NBAS: variants seen among roughly 807,000 people sequenced by gnomAD.
NBAS encodes NBAS subunit of NRZ tethering complex.
A neutral mutation model predicts 302.5 loss-of-function variants in NBAS; 219 were observed. The observed-to-expected ratio is 0.72, with a 90% CI of 0.65 to 0.81. The LOEUF (loss-of-function observed/expected upper bound fraction) is 0.81, where lower values mean the gene tolerates loss of function less well. Ranked by LOEUF, NBAS falls within the 30% of genes least tolerant of loss-of-function variation. The pLI is 0.00. For missense variants in NBAS, 2,932 were observed against 2,841.6 expected (o/e 1.03, Z -0.72); for synonymous variants, 1,118 against 1,021.6 (o/e 1.09, Z -1.80).
chr2:15,105,627 T>C, the NBAS span, among the ~76,000 whole-genome samples: 47 of 152,114 alleles, frequency 3.1e-4, no homozygotes, highest in Admixed American at 3.1e-3. Flanking sequence ...GCTCCCCGTG[T>C]GCCTGAGAAC....
At chr2:15,561,113 T>G in intron 1 of NBAS, 75 bp downstream of exon 1, 1 of 1,140,428 alleles carries the variant, frequency 8.8e-7, no homozygotes, top group Non-Finnish European at 1.3e-6. Flanking sequence ...CTCCCCTACG[T>G]GGCTCCTGCT....
At chr2:15,257,397 TTTC>T (rs1234985662) in intron 44 of NBAS, among the ~76,000 whole-genome samples, 1 of 140,572 alleles carries the variant, frequency 7.1e-6, no homozygotes, top group Non-Finnish European at 1.6e-5. Flanking sequence ...TCCCATTTAA[TTTC>T]TTTTTTTTTT....
chr2:14,889,119 C>G, the NBAS span, among the ~76,000 whole-genome samples: 3 of 152,170 alleles, frequency 2.0e-5, 1 homozygote, highest in South Asian at 6.2e-4. Context: ...GACACATTTG[C>G]CACTCTTTCA....
At chr2:15,552,465 T>C (rs1664427466) in intron 5 of NBAS, among the ~76,000 whole-genome samples, 1 of 152,214 alleles carries the variant, frequency 6.6e-6, no homozygotes. Flanking sequence ...AAGATGACGA[T>C]AATGAAGACC....
intron 44 of NBAS, among the ~76,000 whole-genome samples, chr2:15,268,595 G>A (rs748359970): frequency 7.2e-5 from 11 of 152,172 alleles, no homozygotes; most frequent in African/African-American, 2.2e-4. Context: ...CACTAATCTG[G>A]GGGCCACCTC....
the NBAS span, among the ~76,000 whole-genome samples, chr2:15,038,088 T>C: frequency 6.8e-6 from 1 of 147,798 alleles, no homozygotes; most frequent in Non-Finnish European, 1.5e-5. Context: ...ATAATATATA[T>C]ATATATATGT....
downstream of NBAS, among the ~76,000 whole-genome samples, chr2:15,163,741 G>C (rs1031774303): frequency 1.3e-5 from 2 of 151,938 alleles, no homozygotes; most frequent in Non-Finnish European, 2.9e-5. Flanking sequence ...TTGGATGAAG[G>C]GTCCCACGTC....
intron 41 of NBAS, among the ~76,000 whole-genome samples, chr2:15,291,333 T>A (rs972885622): frequency 2.6e-5 from 4 of 152,230 alleles, no homozygotes; most frequent in Non-Finnish European, 5.9e-5. Context: ...ACATTTTATC[T>A]CACAGGGTTA....
At chr2:15,376,924 C>CA (rs998561814) in intron 30 of NBAS, among the ~76,000 whole-genome samples, 4 of 151,844 alleles carry the variant, frequency 2.6e-5, no homozygotes, top group African/African-American at 9.7e-5. Context: ...ATCAAAATAT[C>CA]AAAATAAATT....
rs1666551249 is a variant in NBAS, at chr2:15,214,220, A to T, written c.6432+4553T>A. 2.0e-5 allele frequency among the ~76,000 whole-genome samples: 3 copies of T among 152,326 alleles called. No individual in the cohort carries two copies. The South Asian group carries it at 6.2e-4, about 32-fold the overall frequency. The stretch of plus-strand genomic sequence containing the variant: ...AGATTTGATATTCATTTATTCAACA[A>T]ATATTTATTGTTTGTGAGATCCCTC... On this transcript the variant is annotated intron_variant, in intron 48 of 51. Coordinates refer to ENST00000281513, the MANE Select transcript of NBAS (RefSeq NM_015909.4).
At chr2:14,865,163 T>C in the NBAS span, among the ~76,000 whole-genome samples, 5 of 152,252 alleles carry the variant, frequency 3.3e-5, 1 homozygote, top group South Asian at 1.0e-3. Context: ...TGAGCTTCCA[T>C]TTCTCCATTC....
chr2:14,912,703 T>TAAAAAAAAAAAAAAAAAAAAAAAAAAAA, the NBAS span, among the ~76,000 whole-genome samples: 1 of 78,554 alleles, frequency 1.3e-5, no homozygotes, highest in African/African-American at 3.6e-5. Flanking sequence ...CATTCATTTT[T>TAAAAAAAAAAAAAAAAAAAAAAAAAAAA]AAAAAAAAAA....
At chr2:15,392,182 C>T (rs2148405424) in intron 28 of NBAS, among the ~76,000 whole-genome samples, 1 of 151,800 alleles carries the variant, frequency 6.6e-6, no homozygotes, top group Non-Finnish European at 1.5e-5. Flanking sequence ...AAATAGTTTA[C>T]TGCTTGCAAA....
At chr2:14,924,900 G>C in the NBAS span, among the ~76,000 whole-genome samples, 2 of 152,194 alleles carry the variant, frequency 1.3e-5, no homozygotes, top group East Asian at 3.9e-4. Flanking sequence ...AAGAAAGTTA[G>C]GTCTCTCAGC....
At chr2:15,264,266 A>T (rs2148023001) in intron 44 of NBAS, among the ~76,000 whole-genome samples, 1 of 152,254 alleles carries the variant, frequency 6.6e-6, no homozygotes, top group African/African-American at 2.4e-5. Flanking sequence ...TAATTCTGAG[A>T]TCTTTTATTT....
chr2:15,047,988 ACT>A, the NBAS span, among the ~76,000 whole-genome samples: 15 of 152,302 alleles, frequency 9.8e-5, no homozygotes, highest in African/African-American at 3.6e-4. Context: ...GAAATCAATA[ACT>A]GAGTCACAAT....
rs772114231 is a variant in NBAS, at chr2:15,474,149, C to T, written c.1517G>A (p.Arg506Gln). 10 of 1,613,986 alleles carry T rather than the reference C, an allele frequency of 6.2e-6. No individual in the cohort carries two copies. Among genetic ancestry groups the T allele is most frequent in the Admixed American group, 3.3e-5 (2 of 59,994 alleles). Residue 506 changes from arginine (R) to glutamine (Q), a missense_variant, in exon 15 of 52, where the codon CGG becomes CAG. Physicochemically the swap from Arg to Gln is conservative, Grantham distance 43 (BLOSUM62 1). Coordinates refer to ENST00000281513, the MANE Select transcript of NBAS (RefSeq NM_015909.4). The stretch of plus-strand genomic sequence containing the variant: ...TTTAGTAATGGTTCGTGGGCGTTTC[C>T]GTGGTGGTGCAAATCGCTCCATTTC... Reference protein sequence around the residue: ...VTEMERFAPPRKRPRTITKNY... With the variant: ...VTEMERFAPPQKRPRTITKNY...
At chr2:15,506,083 A>ACGCCTGT in intron 10 of NBAS, among the ~76,000 whole-genome samples, 1 of 152,182 alleles carries the variant, frequency 6.6e-6, no homozygotes, top group Non-Finnish European at 1.5e-5. Flanking sequence ...AGTGAAAAGG[A>ACGCCTGT]AATGAGATAA....
Position 15,379,636 on chromosome 2 carries a change from TAGA to T in NBAS, c.3553_3555del (p.Ser1185del). 6.2e-7 allele frequency: 1 copy of T among 1,613,962 alleles called. No homozygotes were observed. The highest frequency in any genetic ancestry group is 1.1e-5 in the South Asian group (1 of 91,084). On this transcript the variant is annotated inframe_deletion, in exon 30 of 52. Coordinates refer to ENST00000281513, the MANE Select transcript of NBAS (RefSeq NM_015909.4). ...TCCATGCAGCTATCAGTGAGGTTGGTAGAAGAATTGAAGTACTCTCTGCTGGCA... is the reference window on the plus strand; with the variant it reads ...TCCATGCAGCTATCAGTGAGGTTGGTAGAATTGAAGTACTCTCTGCTGGCA...
Sources: gnomAD v4.1 joint callset for allele counts (sites outside exome capture counted in the v4.1 genomes callset) on GRCh38, gnomAD v4.1.1 for gene constraint, MANE v1.5 for transcripts, NCBI Gene and HGNC (gene_info 2026-07-23, HGNC 2026-07-21) for gene names.